Variants in YWHAG observed in about 807,000 individuals in gnomAD.
YWHAG encodes the protein 14-3-3 protein gamma.
YWHAG carries 1 observed loss-of-function variant against 23.3 expected under a neutral mutation model. That is an observed-to-expected ratio of 0.04 (90% CI 0.02 to 0.20). The LOEUF is 0.20. Ranked by LOEUF, YWHAG falls within the 10% of genes least tolerant of loss-of-function variation. The pLI, the probability that YWHAG is intolerant of heterozygous loss-of-function variation, is 1.00. For synonymous variants in YWHAG, 160 were observed against 144.0 expected, an observed-to-expected ratio of 1.11 and a Z score of -0.80; for missense variants, 151 against 338.6, an observed-to-expected ratio of 0.45 and a Z score of 4.35.
intron 1 of YWHAG, among the ~76,000 whole-genome samples, chr7:76,336,816 A>G (rs1456809801): frequency 2.1e-5 from 3 of 143,756 alleles, no homozygotes; most frequent in Admixed American, 7.1e-5. Flanking sequence ...TCCATCTTAC[A>G]TTTTCTGTCC....
chr7:76,351,330 C>T (rs1351004513), intron 1 of YWHAG, among the ~76,000 whole-genome samples: 2 of 152,174 alleles, frequency 1.3e-5, no homozygotes, highest in South Asian at 2.1e-4. Flanking sequence ...CCTTGGAATG[C>T]CCTTTTCTGT....
Position 76,328,616 on chromosome 7 carries a change from T to A in YWHAG, c.*961A>T, listed in dbSNP as rs1019112233. On this transcript the variant is annotated 3_prime_UTR_variant, in exon 2 of 2. Coordinates refer to ENST00000307630, the MANE Select transcript of YWHAG (RefSeq NM_012479.4). ...AGGAAACGCCCCAGTGCAGAGTGGG[T>A]GACGGCAGTGTGATCCCTGAGGAGG... The A allele has an allele frequency of 6.6e-6, 1 of 152,150 alleles. No individual in the cohort carries two copies. The highest frequency in any genetic ancestry group is 2.4e-5 in the African/African-American group (1 of 41,412). 9.4% of individuals were successfully genotyped at this position (152,150 alleles called of 1,614,324 possible). A position where few individuals can be genotyped will look rare whatever the true frequency, so the allele number is the denominator to read the frequency against.
At chr7:76,333,888 T>C (rs1803580186) in intron 1 of YWHAG, among the ~76,000 whole-genome samples, 1 of 152,204 alleles carries the variant, frequency 6.6e-6, no homozygotes, top group African/African-American at 2.4e-5. Flanking sequence ...TATTTAAAGC[T>C]CAAATTATCT....
At position 76,327,667 on chromosome 7, in the gene YWHAG, T is replaced by TC. The variant is rs1583980148; in HGVS notation, c.*1909_*1910insG. 4 of 7,308 alleles carry TC rather than the reference T, an allele frequency of 5.5e-4. No individual in the cohort carries two copies. Among genetic ancestry groups the TC allele is most frequent in the Non-Finnish European group, 9.5e-4 (4 of 4,216 alleles). 0.5% of individuals were successfully genotyped at this position (7,308 alleles called of 1,614,324 possible). ...AAATTAGGGAAAGCCCCACCTACCC[T>TC]GCCCCCCCCCCCCTCCCCCCCCAAA... On this transcript the variant is annotated 3_prime_UTR_variant, in exon 2 of 2. Transcript: ENST00000307630.
intron 1 of YWHAG, among the ~76,000 whole-genome samples, chr7:76,340,808 T>C (rs750784041): frequency 4.6e-5 from 7 of 152,220 alleles, no homozygotes; most frequent in Non-Finnish European, 7.3e-5. Context: ...CAAAATGTTT[T>C]GTTAGCAGCA....
rs928253648 is a variant in YWHAG at position 76,328,646 on chromosome 7, T to C, written c.*931A>G. Reference sequence around the variant, plus strand: ...GCAGTGTGATCCCTGAGGAGGGAGCTGCAGCAGCTTCAGAAGCGGGATGTT... The same window carrying C: ...GCAGTGTGATCCCTGAGGAGGGAGCCGCAGCAGCTTCAGAAGCGGGATGTT... On this transcript the variant is annotated 3_prime_UTR_variant, in exon 2 of 2. Transcript: ENST00000307630. 1 of 152,210 alleles carries C rather than the reference T, an allele frequency of 6.6e-6. No homozygotes were observed. Among genetic ancestry groups the C allele is most frequent in the African/African-American group, 2.4e-5 (1 of 41,446 alleles). 9.4% of individuals were successfully genotyped at this position (152,210 alleles called of 1,614,324 possible). A position where few individuals can be genotyped will look rare whatever the true frequency, so the allele number is the denominator to read the frequency against.
chr7:76,354,992 A>C (rs1803930576), intron 1 of YWHAG, among the ~76,000 whole-genome samples: 1 of 152,262 alleles, frequency 6.6e-6, no homozygotes, highest in Admixed American at 6.5e-5. Context: ...ACAAAGGGAT[A>C]GACAATTATC....
In YWHAG at chr7:76,328,425, C is replaced by T. The variant is rs1363570743; in HGVS notation, c.*1152G>A. The T allele has an allele frequency of 2.0e-5, 3 of 152,128 alleles. No individual in the cohort carries two copies. The highest frequency in any genetic ancestry group is 2.9e-5 in the Non-Finnish European group (2 of 68,004). 9.4% of individuals were successfully genotyped at this position (152,128 alleles called of 1,614,324 possible). On this transcript the variant is annotated 3_prime_UTR_variant, in exon 2 of 2. Coordinates refer to ENST00000307630, the MANE Select transcript of YWHAG (RefSeq NM_012479.4). ...AAAACTGACACACTGACAAGGCTCC[C>T]GAAATTGGACAGAATGGTTAAGGAT...
rs76457232 is a variant in YWHAG, at chr7:76,327,223, TAAAA to T, written c.*2350_*2353del. On this transcript the variant is annotated 3_prime_UTR_variant, in exon 2 of 2. Coordinates refer to ENST00000307630, the MANE Select transcript of YWHAG (RefSeq NM_012479.4). ...TTACCCCCAAAAGGAAAAATTAAATTAAAAAAAAAAAACCTTTAAAAAATTTGAA... is the reference window on the plus strand; with the variant it reads ...TTACCCCCAAAAGGAAAAATTAAATTAAAAAAAACCTTTAAAAAATTTGAA... 7.0e-6 allele frequency: 1 copy of T among 143,762 alleles called. No individual in the cohort carries two copies. The highest frequency in any genetic ancestry group is 1.5e-5 in the Non-Finnish European group (1 of 65,156). The allele number at this position is 143,762 out of a possible 1,614,324, so 8.9% of individuals were successfully genotyped here. A position where few individuals can be genotyped will look rare whatever the true frequency, so the allele number is the denominator to read the frequency against.
Position 76,347,788 on chromosome 7 carries a change from A to C in YWHAG, c.87+10934T>G, listed in dbSNP as rs1803805066. On this transcript the variant is annotated intron_variant, in intron 1 of 1. Coordinates refer to ENST00000307630, the MANE Select transcript of YWHAG (RefSeq NM_012479.4). ...ACAAAAGGTTTTCTCTTCCTCCCAG[A>C]TCTGTTTCTTTTGAGTGAGGTATCT... Among the ~76,000 whole-genome samples, 2 of 152,184 alleles carry C rather than the reference A, an allele frequency of 1.3e-5. 1 individual carries two copies. The highest frequency in any genetic ancestry group is 4.1e-4 in the South Asian group (2 of 4,828).
chr7:76,338,264 T>C (rs1025305684), intron 1 of YWHAG, among the ~76,000 whole-genome samples: 1 of 152,190 alleles, frequency 6.6e-6, no homozygotes, highest in Non-Finnish European at 1.5e-5. Context: ...GTTGGGTTTT[T>C]CCAGCAGCGA....
chr7:76,353,739 T>G (rs184947039), intron 1 of YWHAG, among the ~76,000 whole-genome samples: 185 of 152,140 alleles, frequency 1.2e-3, no homozygotes, highest in Non-Finnish European at 2.0e-3. Flanking sequence ...CTGGTATTGG[T>G]AGCCTTTGTA....
At chr7:76,355,167 A>G (rs1173222031) in intron 1 of YWHAG, among the ~76,000 whole-genome samples, 2 of 152,176 alleles carry the variant, frequency 1.3e-5, no homozygotes, top group African/African-American at 4.8e-5. Context: ...ACCCAATGCC[A>G]CTCAATTGCA....
intron 1 of YWHAG, among the ~76,000 whole-genome samples, chr7:76,349,304 A>C (rs1047254696): frequency 8.0e-5 from 12 of 149,254 alleles, no homozygotes; most frequent in Non-Finnish European, 1.0e-4. Context: ...GCGCCACTGC[A>C]CTCCAGCCTG....
In YWHAG at chr7:76,330,132, G is replaced by A. The variant is rs1803521304; in HGVS notation, c.189C>T (p.Ile63=). Residue 63 remains isoleucine (I), a synonymous_variant, in exon 2 of 2, where the codon ATC becomes ATT. Transcript: ENST00000307630. ...VGARRSSWRV[I]SSIEQKTSAD... ...CAGATGTCTTCTGCTCAATGCTACT[G>A]ATGACCCTCCAGGAAGAGCGGCGTG... 4.3e-6 allele frequency: 7 copies of A among 1,613,944 alleles called. No individual in the cohort carries two copies. Among genetic ancestry groups the A allele is most frequent in the Non-Finnish European group, 5.9e-6 (7 of 1,180,024 alleles).
chr7:76,332,020 C>G (rs368405004), intron 1 of YWHAG, among the ~76,000 whole-genome samples: 8 of 152,112 alleles, frequency 5.3e-5, no homozygotes, highest in Admixed American at 6.6e-5. Flanking sequence ...AAGTGCTACA[C>G]GCTCAAATAT....
intron 1 of YWHAG, among the ~76,000 whole-genome samples, chr7:76,355,819 C>A (rs972800744): frequency 2.0e-5 from 3 of 152,138 alleles, no homozygotes; most frequent in African/African-American, 7.2e-5. Context: ...CTCCCCAAGG[C>A]AAGTACCAGT....
chr7:76,353,035 T>TTA (rs1803898545), intron 1 of YWHAG, among the ~76,000 whole-genome samples: 1 of 152,188 alleles, frequency 6.6e-6, no homozygotes, highest in Non-Finnish European at 1.5e-5. Context: ...GGACACACAC[T>TTA]TAACAAGTGA....
At chr7:76,351,244 T>C (rs1036110706) in intron 1 of YWHAG, among the ~76,000 whole-genome samples, 2 of 152,174 alleles carry the variant, frequency 1.3e-5, no homozygotes, top group Non-Finnish European at 2.9e-5. Flanking sequence ...CTCCCTTAAA[T>C]AGGCATGGCA....
Sources: allele counts gnomAD v4.1 joint callset (sites outside exome capture counted in the v4.1 genomes callset), GRCh38; gene constraint gnomAD v4.1.1; transcripts MANE v1.5; gene names NCBI Gene and HGNC (gene_info 2026-07-23, HGNC 2026-07-21).